The following MARCHF1 variants were observed in gnomAD, a reference collection of about 807,000 sequenced individuals.
The protein encoded by MARCHF1 is E3 ubiquitin-protein ligase MARCHF1.
A neutral mutation model predicts 54.2 loss-of-function variants in MARCHF1; 40 were observed. That is an observed-to-expected ratio of 0.74 (90% CI 0.57 to 0.96). MARCHF1 has a LOEUF of 0.96. MARCHF1 is among the 40% of genes least tolerant of loss of function. The probability of loss-of-function intolerance (pLI) is 0.00; values close to 1 mark genes in which losing one functional copy is unlikely to be tolerated. For synonymous variants in MARCHF1, 236 were observed against 236.3 expected, an observed-to-expected ratio of 1.00 and a Z score of 0.01; for missense variants, 586 against 656.5, an observed-to-expected ratio of 0.89 and a Z score of 1.17.
intron 2 of MARCHF1, among the ~76,000 whole-genome samples, chr4:164,053,897 A>G (rs6536783): frequency 0.66 from 100,656 of 152,022 alleles, 34,958 homozygotes; most frequent in Non-Finnish European, 0.78. Context: ...ACCAAAAGCA[A>G]TGGCAACAAA....
At chr4:163,800,903 G>A (rs770177225) in intron 4 of MARCHF1, among the ~76,000 whole-genome samples, 2 of 151,998 alleles carry the variant, frequency 1.3e-5, no homozygotes, top group Non-Finnish European at 2.9e-5. Flanking sequence ...TTACATCAGC[G>A]AATAAATAGA....
intron 5 of MARCHF1, among the ~76,000 whole-genome samples, chr4:163,644,880 A>G (rs1742694557): frequency 6.6e-6 from 1 of 152,120 alleles, no homozygotes. Flanking sequence ...CAGTCCCTGT[A>G]AACTGTGGCA....
At chr4:164,044,675 T>G (rs762830791) in intron 2 of MARCHF1, among the ~76,000 whole-genome samples, 18 of 152,124 alleles carry the variant, frequency 1.2e-4, no homozygotes, top group Non-Finnish European at 2.4e-4. Context: ...GCTTTCTATC[T>G]TTCTCTTTCT....
chr4:164,225,781 TTTC>T (rs1732235593), intron 1 of MARCHF1, among the ~76,000 whole-genome samples: 1 of 152,036 alleles, frequency 6.6e-6, no homozygotes, highest in Non-Finnish European at 1.5e-5. Context: ...AGTTTGGCAG[TTTC>T]TTTTTAATTA....
intron 3 of MARCHF1, among the ~76,000 whole-genome samples, chr4:163,977,909 C>T (rs1196886225): frequency 2.0e-5 from 3 of 151,906 alleles, no homozygotes; most frequent in Admixed American, 6.6e-5. Context: ...AACCTAACAA[C>T]CAGTAAAATA....
intron 1 of MARCHF1, among the ~76,000 whole-genome samples, chr4:164,129,473 TTC>T (rs1756255674): frequency 9.4e-6 from 1 of 106,830 alleles, no homozygotes; most frequent in Non-Finnish European, 1.8e-5. Context: ...ATTTGAGACC[TTC>T]CTTCCAATTT....
chr4:164,081,853 C>T (rs1051198554), intron 2 of MARCHF1, among the ~76,000 whole-genome samples: 1 of 152,130 alleles, frequency 6.6e-6, no homozygotes, highest in Non-Finnish European at 1.5e-5. Flanking sequence ...CCTATATGGG[C>T]GCACTTTATC....
intron 3 of MARCHF1, among the ~76,000 whole-genome samples, chr4:163,939,314 C>T (rs1484084524): frequency 6.6e-6 from 1 of 152,156 alleles, no homozygotes; most frequent in African/African-American, 2.4e-5. Flanking sequence ...AGCCTTTTGA[C>T]TTCCTGTATC....
At chr4:164,031,369 ACTCTTCT>A (rs1753873484) in intron 2 of MARCHF1, among the ~76,000 whole-genome samples, 1 of 146,884 alleles carries the variant, frequency 6.8e-6, no homozygotes, top group East Asian at 2.0e-4. Context: ...TGTCTATTTG[ACTCTTCT>A]CTCTTTTATT....
intron 3 of MARCHF1, among the ~76,000 whole-genome samples, chr4:163,968,665 G>C (rs573238694): frequency 6.6e-6 from 1 of 152,080 alleles, no homozygotes; most frequent in South Asian, 2.1e-4. Flanking sequence ...TTCCCAGTTG[G>C]GCACACCATA....
intron 4 of MARCHF1, among the ~76,000 whole-genome samples, chr4:163,796,388 G>A (rs1281398822): frequency 1.3e-5 from 2 of 151,746 alleles, no homozygotes; most frequent in Non-Finnish European, 1.5e-5. Context: ...CACCATGCTC[G>A]GCTAATTTTT....
intron 3 of MARCHF1, among the ~76,000 whole-genome samples, chr4:163,860,076 A>T (rs1312173456): frequency 6.6e-6 from 1 of 152,120 alleles, no homozygotes; most frequent in Non-Finnish European, 1.5e-5. Context: ...CCTGAAAATA[A>T]TTTTTCTTGG....
intron 8 of MARCHF1, among the ~76,000 whole-genome samples, chr4:163,565,613 A>C (rs1450690776): frequency 2.6e-5 from 4 of 152,212 alleles, no homozygotes; most frequent in African/African-American, 9.6e-5. Context: ...AAAAGATGAA[A>C]AAATCTAGGT....
At chr4:163,846,944 G>A (rs1187258169) in intron 4 of MARCHF1, among the ~76,000 whole-genome samples, 1 of 152,094 alleles carries the variant, frequency 6.6e-6, no homozygotes, top group Non-Finnish European at 1.5e-5. Context: ...AAGCCAGATT[G>A]TTTTCTGTAT....
intron 7 of MARCHF1, among the ~76,000 whole-genome samples, chr4:163,607,419 A>G (rs1741180712): frequency 6.6e-6 from 1 of 152,108 alleles, no homozygotes. Context: ...AAGATCAAAA[A>G]TGGAAAATCC....
intron 3 of MARCHF1, among the ~76,000 whole-genome samples, chr4:163,873,907 G>A (rs945436713): frequency 1.3e-5 from 2 of 152,150 alleles, no homozygotes; most frequent in Admixed American, 1.3e-4. Flanking sequence ...GAAAATGTTG[G>A]CATGTAGGCC....
chr4:163,873,050 A>C (rs7694039), intron 3 of MARCHF1, among the ~76,000 whole-genome samples: 63,885 of 150,334 alleles, frequency 0.42, 13,977 homozygotes, highest in East Asian at 0.79. Context: ...TCTCAAAAAA[A>C]AAACAAACAA....
At chr4:163,880,672 C>G (rs1352904106) in intron 3 of MARCHF1, among the ~76,000 whole-genome samples, 1 of 151,934 alleles carries the variant, frequency 6.6e-6, no homozygotes, top group Non-Finnish European at 1.5e-5. Flanking sequence ...ATTCTGCCAA[C>G]TATTGTTGGT....
chr4:163,937,132 G>T (rs1411147925), intron 3 of MARCHF1, among the ~76,000 whole-genome samples: 1 of 152,034 alleles, frequency 6.6e-6, no homozygotes, highest in Non-Finnish European at 1.5e-5. Context: ...TTCAGTTACA[G>T]TCCCACTGGA....
Sources: gnomAD v4.1 joint callset for allele counts (sites outside exome capture counted in the v4.1 genomes callset) on GRCh38, gnomAD v4.1.1 for gene constraint, MANE v1.5 for transcripts, NCBI Gene and HGNC (gene_info 2026-07-23, HGNC 2026-07-21) for gene names.